MCTP1: variants seen among roughly 807,000 people sequenced by gnomAD.
The protein encoded by MCTP1 is multiple C2 and transmembrane domain-containing protein 1.
In MCTP1, 69 loss-of-function variants were observed where a neutral mutation model predicts 120.6. That is an observed-to-expected ratio of 0.57 (90% CI 0.47 to 0.70). The LOEUF (loss-of-function observed/expected upper bound fraction) is 0.70, where lower values mean the gene tolerates loss of function less well. MCTP1 is among the 30% of genes least tolerant of loss of function. The pLI is 0.00. For synonymous variants in MCTP1, 529 were observed against 493.1 expected (o/e 1.07, Z -0.96); for missense variants, 1,203 against 1,248.8 (o/e 0.96, Z 0.55).
At chr5:94,718,738 A>G (rs931827560) in intron 19 of MCTP1, among the ~76,000 whole-genome samples, 6 of 152,150 alleles carry the variant, frequency 3.9e-5, no homozygotes, top group African/African-American at 1.4e-4. Flanking sequence ...ATTTTTTTTG[A>G]CATGAAGTTT....
chr5:95,068,103 T>C (rs1431538570), intron 1 of MCTP1, among the ~76,000 whole-genome samples: 1 of 152,206 alleles, frequency 6.6e-6, no homozygotes, highest in East Asian at 1.9e-4. Context: ...AATTATTCTA[T>C]TCTATTAAAT....
chr5:95,176,934 C>T (rs763450356), intron 1 of MCTP1, among the ~76,000 whole-genome samples: 33 of 151,422 alleles, frequency 2.2e-4, no homozygotes, highest in Non-Finnish European at 3.7e-4. Context: ...GTGCAATCTC[C>T]GCTCACTACA....
intron 1 of MCTP1, among the ~76,000 whole-genome samples, chr5:95,151,888 C>T (rs1760926309): frequency 6.6e-6 from 1 of 152,052 alleles, no homozygotes; most frequent in Non-Finnish European, 1.5e-5. Context: ...CACTCCCTTC[C>T]ACACATATAC....
At chr5:94,841,791 T>C (rs1292747677) in intron 17 of MCTP1, among the ~76,000 whole-genome samples, 1 of 152,142 alleles carries the variant, frequency 6.6e-6, no homozygotes, top group African/African-American at 2.4e-5. Flanking sequence ...CTGTCATCCA[T>C]GTAAGAGAAA....
intron 1 of MCTP1, among the ~76,000 whole-genome samples, chr5:95,239,594 AC>A (rs1359116177): frequency 5.9e-5 from 9 of 152,274 alleles, no homozygotes; most frequent in Admixed American, 5.2e-4. Context: ...TTCAGAGGCT[AC>A]CTGGCTTGGG....
intron 10 of MCTP1, among the ~76,000 whole-genome samples, chr5:94,897,673 C>T (rs1294192170): frequency 6.6e-6 from 1 of 152,236 alleles, no homozygotes; most frequent in East Asian, 1.9e-4. Context: ...CCGACTTTTT[C>T]CCCCAAACTT....
intron 1 of MCTP1, among the ~76,000 whole-genome samples, chr5:95,240,636 C>A (rs1327639244): frequency 2.0e-5 from 3 of 152,274 alleles, no homozygotes; most frequent in East Asian, 1.9e-4. Flanking sequence ...ATTCAACAGA[C>A]TTTTAAAAAT....
At chr5:95,132,161 G>A (rs1295049162) in intron 1 of MCTP1, among the ~76,000 whole-genome samples, 1 of 152,104 alleles carries the variant, frequency 6.6e-6, no homozygotes, top group African/African-American at 2.4e-5. Flanking sequence ...ATTAACAACA[G>A]CAAAAAATCT....
chr5:94,947,134 G>A (rs932882957), intron 3 of MCTP1, among the ~76,000 whole-genome samples: 9 of 152,200 alleles, frequency 5.9e-5, no homozygotes, highest in African/African-American at 2.2e-4. Flanking sequence ...TCTACAAACT[G>A]AAAATAGCTC....
At chr5:94,825,166 G>T (rs1006126897) in intron 17 of MCTP1, among the ~76,000 whole-genome samples, 22 of 152,268 alleles carry the variant, frequency 1.4e-4, no homozygotes, top group Non-Finnish European at 8.8e-5. Context: ...ATTTTCTCCT[G>T]TGGGCATTTA....
rs145014310 is a variant in MCTP1, at chr5:95,169,983, G to A, written c.720+113873C>T. Among the ~76,000 whole-genome samples the A allele has an allele frequency of 6.5e-3, 986 of 152,268 alleles. 10 individuals carry two copies. Among genetic ancestry groups the A allele is most frequent in the South Asian group, 0.019 (90 of 4,826 alleles). On this transcript the variant is annotated intron_variant, in intron 1 of 22. Coordinates refer to ENST00000515393, the MANE Select transcript of MCTP1 (RefSeq NM_024717.7). ...GAATGTGTTTGCTCTTGCTTCTCTA[G>A]TTCTTTTAATTGTGATGTTAGGGTG...
intron 1 of MCTP1, among the ~76,000 whole-genome samples, chr5:95,093,551 G>C (rs1756006251): frequency 6.6e-6 from 1 of 152,108 alleles, no homozygotes; most frequent in Non-Finnish European, 1.5e-5. Context: ...TTGGACCTTA[G>C]ATGATACTAT....
At chr5:94,830,798 C>T (rs1788347925) in intron 17 of MCTP1, among the ~76,000 whole-genome samples, 1 of 151,668 alleles carries the variant, frequency 6.6e-6, no homozygotes, top group Non-Finnish European at 1.5e-5. Flanking sequence ...CAAGATGGGT[C>T]ATTTCTTAAA....
At chr5:94,776,674 A>T (rs1437305904) in intron 19 of MCTP1, among the ~76,000 whole-genome samples, 1 of 152,210 alleles carries the variant, frequency 6.6e-6, no homozygotes, top group Non-Finnish European at 1.5e-5. Context: ...AAACAGAAAT[A>T]ATGAGAGCTA....
chr5:94,971,485 A>C (rs1372747094), intron 2 of MCTP1, among the ~76,000 whole-genome samples: 2 of 152,140 alleles, frequency 1.3e-5, no homozygotes, highest in Admixed American at 1.3e-4. Flanking sequence ...AAGTGTTTTA[A>C]TTTCTGAATT....
rs1162879653 is a variant in MCTP1, at chr5:94,890,628, T to C, written c.1840-1656A>G. ...TGCTATTTTAGTATGCACAGAAGTA[T>C]TGAAACTTCAATAGAAAAAACAGAT... On this transcript the variant is annotated intron_variant, in intron 11 of 22. Coordinates refer to ENST00000515393, the MANE Select transcript of MCTP1 (RefSeq NM_024717.7). 1.3e-4 allele frequency among the ~76,000 whole-genome samples: 20 copies of C among 152,328 alleles called. No individual in the cohort carries two copies. The East Asian group carries it at 3.1e-3, about 24-fold the overall frequency.
At chr5:94,837,312 T>C (rs548217957) in intron 17 of MCTP1, among the ~76,000 whole-genome samples, 6 of 152,178 alleles carry the variant, frequency 3.9e-5, no homozygotes, top group Non-Finnish European at 8.8e-5. Context: ...GCCCAGGAGA[T>C]TGAAACTGCA....
chr5:94,777,921 A>AGTGT (rs1460355421), intron 19 of MCTP1, among the ~76,000 whole-genome samples: 2 of 82,254 alleles, frequency 2.4e-5, no homozygotes, highest in Admixed American at 1.2e-4. Context: ...GAAGGGAGAA[A>AGTGT]GTGTGCGTGT....
intron 1 of MCTP1, among the ~76,000 whole-genome samples, chr5:95,209,814 T>C (rs1403864750): frequency 6.6e-6 from 1 of 152,202 alleles, no homozygotes; most frequent in Non-Finnish European, 1.5e-5. Flanking sequence ...CATTTAGTGC[T>C]ATAAATTTCC....
Sources: allele counts gnomAD v4.1 joint callset (sites outside exome capture counted in the v4.1 genomes callset), GRCh38; gene constraint gnomAD v4.1.1; transcripts MANE v1.5; gene names NCBI Gene and HGNC (gene_info 2026-07-23, HGNC 2026-07-21).